The following CNTNAP2 variants were observed in gnomAD, a reference collection of about 807,000 sequenced individuals.
CNTNAP2 encodes contactin associated protein 2.
In CNTNAP2, 98 loss-of-function variants were observed where a neutral mutation model predicts 155.2. The observed-to-expected ratio is 0.63, with a 90% confidence interval of 0.54 to 0.75. CNTNAP2 has a LOEUF of 0.75. CNTNAP2 is among the 30% of genes least tolerant of loss of function. The pLI is 0.00. For missense variants in CNTNAP2, 1,727 were observed against 1,688.1 expected (o/e 1.02, Z -0.40); for synonymous variants, 651 against 631.2 (o/e 1.03, Z -0.47).
intron 13 of CNTNAP2, among the ~76,000 whole-genome samples, chr7:147,777,705 T>A (rs1298274115): frequency 6.6e-6 from 1 of 152,248 alleles, no homozygotes; most frequent in Non-Finnish European, 1.5e-5. Flanking sequence ...AATGTTTGTA[T>A]TATAAGGGCT....
At chr7:147,759,886 C>G (rs1305670447) in intron 13 of CNTNAP2, among the ~76,000 whole-genome samples, 1 of 152,126 alleles carries the variant, frequency 6.6e-6, no homozygotes, top group Non-Finnish European at 1.5e-5. Context: ...CCTAGACAGA[C>G]TAGATACACC....
chr7:146,758,304 T>C (rs1358404853), intron 1 of CNTNAP2, among the ~76,000 whole-genome samples: 1 of 152,152 alleles, frequency 6.6e-6, no homozygotes, highest in East Asian at 1.9e-4. Context: ...TCCTTTAAAT[T>C]GTGAAAATCT....
At chr7:146,311,091 A>G (rs1368968111) in intron 1 of CNTNAP2, among the ~76,000 whole-genome samples, 1 of 152,184 alleles carries the variant, frequency 6.6e-6, no homozygotes, top group Non-Finnish European at 1.5e-5. Flanking sequence ...AAATCAATTC[A>G]TTGTGATTCT....
chr7:146,684,523 C>T (rs1800560170), intron 1 of CNTNAP2, among the ~76,000 whole-genome samples: 1 of 150,922 alleles, frequency 6.6e-6, no homozygotes, highest in Non-Finnish European at 1.5e-5. Context: ...TGTGGCATAA[C>T]TTATGTGGGC....
At chr7:147,049,240 T>C (rs960809037) in intron 4 of CNTNAP2, among the ~76,000 whole-genome samples, 2 of 152,208 alleles carry the variant, frequency 1.3e-5, no homozygotes, top group African/African-American at 2.4e-5. Context: ...ACACCAAATG[T>C]CCAGATAAGA....
intron 13 of CNTNAP2, among the ~76,000 whole-genome samples, chr7:147,818,085 A>G (rs1225994234): frequency 1.3e-5 from 2 of 152,104 alleles, no homozygotes; most frequent in Admixed American, 6.5e-5. Context: ...TTATTCCCAC[A>G]TAACTGTATA....
At chr7:146,423,989 G>A (rs531627746) in intron 1 of CNTNAP2, among the ~76,000 whole-genome samples, 1 of 152,176 alleles carries the variant, frequency 6.6e-6, no homozygotes, top group East Asian at 1.9e-4. Context: ...TAATTCTTTT[G>A]AGTATTAAAT....
chr7:148,023,910 G>A (rs994108592), intron 15 of CNTNAP2, among the ~76,000 whole-genome samples: 1 of 152,044 alleles, frequency 6.6e-6, no homozygotes, highest in Non-Finnish European at 1.5e-5. Flanking sequence ...TGCTGAAATT[G>A]CATTTGTGGT....
chr7:147,546,626 C>T (rs1197371871), intron 11 of CNTNAP2, among the ~76,000 whole-genome samples: 1 of 152,166 alleles, frequency 6.6e-6, no homozygotes, highest in African/African-American at 2.4e-5. Context: ...CAGTTAAATA[C>T]TCAATATGAT....
chr7:147,836,418 G>C (rs1045817655), intron 13 of CNTNAP2, among the ~76,000 whole-genome samples: 1 of 151,652 alleles, frequency 6.6e-6, no homozygotes, highest in African/African-American at 2.4e-5. Flanking sequence ...CTCACCTCAG[G>C]CTTCTATGTG....
intron 10 of CNTNAP2, among the ~76,000 whole-genome samples, chr7:147,475,205 T>A (rs765259789): frequency 2.0e-5 from 3 of 152,208 alleles, no homozygotes; most frequent in Non-Finnish European, 4.4e-5. Flanking sequence ...TTTTTAAATA[T>A]GATTTGGGGA....
chr7:147,039,741 A>T (rs968585843), intron 3 of CNTNAP2, among the ~76,000 whole-genome samples: 4 of 152,170 alleles, frequency 2.6e-5, no homozygotes, highest in African/African-American at 9.7e-5. Flanking sequence ...CTCTTTGAGG[A>T]ATCATCATAC....
At chr7:146,753,379 A>T (rs1406619463) in intron 1 of CNTNAP2, among the ~76,000 whole-genome samples, 2 of 152,076 alleles carry the variant, frequency 1.3e-5, no homozygotes, top group Non-Finnish European at 2.9e-5. Context: ...TTAAAAAAAA[A>T]ATGTAAGAAT....
At chr7:146,808,478 C>T (rs989951329) in intron 2 of CNTNAP2, among the ~76,000 whole-genome samples, 2 of 152,138 alleles carry the variant, frequency 1.3e-5, no homozygotes, top group African/African-American at 4.8e-5. Flanking sequence ...TTGCTCACTT[C>T]TGACTTTGTA....
rs75815944 is a variant in CNTNAP2 at position 147,144,944 on chromosome 7, C to T, written c.1348+12435C>T. ...CTCTAATCTTTGATGAAGTAAAAAA[C>T]GTTAAAATTCAATAATTCTAATTGA... is the stretch of plus-strand genomic sequence containing the variant. On this transcript the variant is annotated intron_variant, in intron 8 of 23. Coordinates refer to ENST00000361727, the MANE Select transcript of CNTNAP2 (RefSeq NM_014141.6). 2.4e-3 allele frequency among the ~76,000 whole-genome samples: 369 copies of T among 152,152 alleles called. 2 individuals are homozygous for T. Among genetic ancestry groups the T allele is most frequent in the African/African-American group, 8.6e-3 (357 of 41,508 alleles).
At chr7:146,170,723 A>C (rs1798377390) in intron 1 of CNTNAP2, among the ~76,000 whole-genome samples, 1 of 152,118 alleles carries the variant, frequency 6.6e-6, no homozygotes, top group Non-Finnish European at 1.5e-5. Flanking sequence ...GAATTTGTAA[A>C]GAGATTAAGA....
At chr7:147,340,661 C>T (rs1411237822) in intron 9 of CNTNAP2, among the ~76,000 whole-genome samples, 4 of 152,012 alleles carry the variant, frequency 2.6e-5, no homozygotes, top group Non-Finnish European at 5.9e-5. Context: ...ACTTATATGT[C>T]CTAAAAACAG....
intron 1 of CNTNAP2, among the ~76,000 whole-genome samples, chr7:146,451,627 C>T (rs1255413764): frequency 2.6e-5 from 4 of 152,014 alleles, no homozygotes; most frequent in Non-Finnish European, 5.9e-5. Context: ...CACTGCGTTG[C>T]ACAGATTATA....
chr7:148,083,735 G>A (rs946219270), intron 15 of CNTNAP2, among the ~76,000 whole-genome samples: 1 of 152,118 alleles, frequency 6.6e-6, no homozygotes, highest in African/African-American at 2.4e-5. Flanking sequence ...GAAGTCTCTG[G>A]GGACGCAGGA....
Sources: gnomAD v4.1 joint callset for allele counts (sites outside exome capture counted in the v4.1 genomes callset) on GRCh38, gnomAD v4.1.1 for gene constraint, MANE v1.5 for transcripts, NCBI Gene and HGNC (gene_info 2026-07-23, HGNC 2026-07-21) for gene names.